CNTNAP5: variants seen among roughly 807,000 people sequenced by gnomAD.
The protein encoded by CNTNAP5 is contactin associated protein family member 5.
In CNTNAP5, 72 loss-of-function variants were observed where a neutral mutation model predicts 150.2. The ratio of observed to expected loss-of-function variants is 0.48; its 90% CI spans 0.40 to 0.58. CNTNAP5 has a LOEUF of 0.58. Ranked by LOEUF, CNTNAP5 falls within the 20% of genes least tolerant of loss-of-function variation. The probability of loss-of-function intolerance (pLI) is 0.00; values close to 1 mark genes in which losing one functional copy is unlikely to be tolerated. For missense variants in CNTNAP5, 1,636 were observed against 1,626.2 expected (o/e 1.01, Z -0.10); for synonymous variants, 672 against 619.8 (o/e 1.08, Z -1.25).
chr2:124,794,554 T>C (rs575219294), intron 18 of CNTNAP5, among the ~76,000 whole-genome samples: 4 of 152,242 alleles, frequency 2.6e-5, no homozygotes, highest in Non-Finnish European at 5.9e-5. Context: ...AATAAAAGTA[T>C]GTACATTTGG....
At chr2:124,697,355 T>C (rs1343566568) in intron 13 of CNTNAP5, among the ~76,000 whole-genome samples, 3 of 152,142 alleles carry the variant, frequency 2.0e-5, no homozygotes, top group Non-Finnish European at 4.4e-5. Context: ...TACAGTTACA[T>C]GTCATGCCTC....
At chr2:124,097,254 G>A (rs1490898189) in intron 1 of CNTNAP5, among the ~76,000 whole-genome samples, 1 of 152,044 alleles carries the variant, frequency 6.6e-6, no homozygotes, top group African/African-American at 2.4e-5. Context: ...ACTAATGAAG[G>A]CTTTGGATGG....
intron 12 of CNTNAP5, among the ~76,000 whole-genome samples, chr2:124,624,604 A>G (rs897206071): frequency 6.6e-6 from 1 of 152,214 alleles, no homozygotes; most frequent in African/African-American, 2.4e-5. Context: ...TTGAATATTG[A>G]CTGAACTTGA....
intron 3 of CNTNAP5, among the ~76,000 whole-genome samples, chr2:124,415,227 G>T (rs1472825399): frequency 6.6e-6 from 1 of 152,170 alleles, no homozygotes; most frequent in Non-Finnish European, 1.5e-5. Context: ...AAACCTGGGA[G>T]CTGAAATGTT....
chr2:124,697,509 A>C (rs1993274), intron 13 of CNTNAP5, among the ~76,000 whole-genome samples: 97,702 of 151,656 alleles, frequency 0.64, 32,407 homozygotes, highest in Non-Finnish European at 0.71. Flanking sequence ...TCAATACTTG[A>C]CTTTTTTTCT....
intron 3 of CNTNAP5, among the ~76,000 whole-genome samples, chr2:124,388,392 G>T (rs752494602): frequency 6.6e-6 from 1 of 152,158 alleles, no homozygotes; most frequent in Non-Finnish European, 1.5e-5. Context: ...GCAAGCATGC[G>T]GTTCTGCAGG....
intron 11 of CNTNAP5, among the ~76,000 whole-genome samples, chr2:124,567,000 G>A (rs1019440991): frequency 6.6e-6 from 1 of 152,166 alleles, no homozygotes; most frequent in Non-Finnish European, 1.5e-5. Flanking sequence ...GACCACAGTC[G>A]AAACAAGAAA....
chr2:124,322,979 G>C (rs1689135318), intron 3 of CNTNAP5, among the ~76,000 whole-genome samples: 1 of 152,156 alleles, frequency 6.6e-6, no homozygotes, highest in African/African-American at 2.4e-5. Flanking sequence ...CTTCTTCAGT[G>C]CATAGTCTTC....
chr2:124,797,737 A>G (rs1007316572), intron 18 of CNTNAP5, among the ~76,000 whole-genome samples: 7 of 152,176 alleles, frequency 4.6e-5, no homozygotes, highest in East Asian at 3.9e-4. Context: ...TCTATGCACT[A>G]TGCTGGAGGC....
intron 7 of CNTNAP5, among the ~76,000 whole-genome samples, chr2:124,491,352 G>T (rs983777183): frequency 6.6e-6 from 1 of 152,012 alleles, no homozygotes; most frequent in Admixed American, 6.6e-5. Flanking sequence ...ATTTATTCAT[G>T]TTGCCACAAA....
chr2:124,200,135 G>A (rs1301901964), intron 1 of CNTNAP5, among the ~76,000 whole-genome samples: 2 of 152,100 alleles, frequency 1.3e-5, no homozygotes, highest in African/African-American at 4.8e-5. Flanking sequence ...ATCCTAATTT[G>A]CTAAAAGTCT....
At chr2:124,375,705 T>C (rs1478100301) in intron 3 of CNTNAP5, among the ~76,000 whole-genome samples, 4 of 152,106 alleles carry the variant, frequency 2.6e-5, no homozygotes, top group East Asian at 1.9e-4. Flanking sequence ...GTTTTTCACA[T>C]TGGCGAAACT....
At chr2:124,787,008 G>T (rs1681613178) in intron 17 of CNTNAP5, among the ~76,000 whole-genome samples, 1 of 152,092 alleles carries the variant, frequency 6.6e-6, no homozygotes, top group South Asian at 2.1e-4. Context: ...CCCCAGATTT[G>T]TGTCACTATC....
chr2:124,865,473 C>A, intron 20 of CNTNAP5, 37 bp downstream of exon 20: 1 of 1,546,562 alleles, frequency 6.5e-7, no homozygotes, highest in Middle Eastern at 1.7e-4. Context: ...AGCCAATGTG[C>A]CTTGGCTACT....
rs563826436 is a variant in CNTNAP5, at chr2:124,336,788, G to A, written c.382-80655G>A. 1.2e-4 allele frequency among the ~76,000 whole-genome samples: 18 copies of A among 152,104 alleles called. No homozygotes were observed. The East Asian group carries it at 2.9e-3, about 25-fold the overall frequency. ...CCAGTCTATCATTGTTAGACATTTG[G>A]GTTGGTTCCAAGTCTTTGCTATTGT... On this transcript the variant is annotated intron_variant, in intron 3 of 23. Coordinates refer to ENST00000682447, the MANE Select transcript of CNTNAP5 (RefSeq NM_001367498.1).
intron 3 of CNTNAP5, among the ~76,000 whole-genome samples, chr2:124,365,372 GA>G (rs1257975209): frequency 6.6e-6 from 1 of 151,906 alleles, no homozygotes; most frequent in Non-Finnish European, 1.5e-5. Context: ...ATACTTGCGG[GA>G]ATCTTTGCAT....
intron 1 of CNTNAP5, among the ~76,000 whole-genome samples, chr2:124,218,151 C>T (rs13002748): frequency 0.044 from 6,638 of 151,696 alleles, 193 homozygotes; most frequent in Non-Finnish European, 0.061. Context: ...ATCATCAAAC[C>T]CTTAACCTGT....
chr2:124,327,020 G>C (rs1321867710), intron 3 of CNTNAP5, among the ~76,000 whole-genome samples: 1 of 124,566 alleles, frequency 8.0e-6, no homozygotes, highest in Admixed American at 1.0e-4. Context: ...TCACTCTGTC[G>C]CCCAGGCTGC....
At chr2:124,508,234 G>A (rs1191544973) in intron 8 of CNTNAP5, among the ~76,000 whole-genome samples, 1 of 152,208 alleles carries the variant, frequency 6.6e-6, no homozygotes, top group African/African-American at 2.4e-5. Flanking sequence ...TTTCTAGAGA[G>A]TCATAAAAGT....
Sources: allele counts gnomAD v4.1 joint callset (sites outside exome capture counted in the v4.1 genomes callset), GRCh38; gene constraint gnomAD v4.1.1; transcripts MANE v1.5; gene names NCBI Gene and HGNC (gene_info 2026-07-23, HGNC 2026-07-21).